AXIN1: variants seen among roughly 807,000 people sequenced by gnomAD.
AXIN1 encodes the protein axin 1.
AXIN1 carries 30 observed loss-of-function variants against 76.4 expected under a neutral mutation model. That is an observed-to-expected ratio of 0.39 (90% CI 0.29 to 0.53). The LOEUF is 0.53. Among genes scored for constraint, AXIN1 ranks in the 20% least tolerant of loss-of-function variants. The pLI is 0.66. For synonymous variants in AXIN1, 545 were observed against 501.4 expected, an observed-to-expected ratio of 1.09 and a Z score of -1.16; for missense variants, 1,140 against 1,198.8, an observed-to-expected ratio of 0.95 and a Z score of 0.72.
At chr16:322,875 G>A (rs1186959123) in intron 2 of AXIN1, among the ~76,000 whole-genome samples, 1 of 152,268 alleles carries the variant, frequency 6.6e-6, no homozygotes, top group Non-Finnish European at 1.5e-5. Context: ...GGGAAGAGGT[G>A]AGCCATGGCC....
intron 2 of AXIN1, among the ~76,000 whole-genome samples, chr16:344,591 C>T (rs1041527977): frequency 6.6e-6 from 1 of 151,710 alleles, no homozygotes; most frequent in East Asian, 2.0e-4. Flanking sequence ...CAGGTTCAAG[C>T]GATTCTCCTG....
At chr16:301,547 T>C (rs1567269400) in intron 5 of AXIN1, among the ~76,000 whole-genome samples, 2 of 152,168 alleles carry the variant, frequency 1.3e-5, no homozygotes, top group Non-Finnish European at 2.9e-5. Context: ...TCCCAGCACT[T>C]CGGGAAGCTG....
At position 288,128 on chromosome 16, in the gene AXIN1, C is replaced by T. The variant is rs762766340; in HGVS notation, c.2583G>A (p.Val861=). The change falls in exon 11 of 11, where the codon GTG becomes GTA. Residue 861 remains valine, a synonymous_variant. Coordinates refer to ENST00000262320, the MANE Select transcript of AXIN1 (RefSeq NM_003502.4). ...CGGCCAGCCCACCAGCCTATCAGTC[C>T]ACCTTCTCCACTTTGCCGATGATCT... ...EEKIIGKVEK[V]D 23 of 1,613,278 alleles carry T rather than the reference C, an allele frequency of 1.4e-5. No individual in the cohort carries two copies. Among genetic ancestry groups the T allele is most frequent in the Non-Finnish European group, 1.8e-5 (21 of 1,180,018 alleles).
At chr16:320,886 C>T (rs2053437002) in intron 2 of AXIN1, among the ~76,000 whole-genome samples, 1 of 151,392 alleles carries the variant, frequency 6.6e-6, no homozygotes, top group Non-Finnish European at 1.5e-5. Flanking sequence ...ACTCCAGGCA[C>T]ACGTCACCAC....
intron 5 of AXIN1, among the ~76,000 whole-genome samples, chr16:300,649 T>C (rs1382492349): frequency 6.6e-6 from 1 of 151,940 alleles, no homozygotes; most frequent in Non-Finnish European, 1.5e-5. Context: ...GAGGGTGAAA[T>C]ATGGCACTAA....
chr16:343,985 G>A (rs1277274345), intron 2 of AXIN1, among the ~76,000 whole-genome samples: 2 of 149,840 alleles, frequency 1.3e-5, no homozygotes, highest in African/African-American at 4.9e-5. Flanking sequence ...TCCAGCCTGT[G>A]TGACAGAGCG....
intron 2 of AXIN1, among the ~76,000 whole-genome samples, chr16:338,373 C>A (rs955223631): frequency 6.6e-6 from 1 of 152,232 alleles, no homozygotes; most frequent in Admixed American, 6.5e-5. Context: ...AGCACCAGGG[C>A]CAGGCACACA....
chr16:291,592 T>TA, intron 8 of AXIN1: 1 of 496,332 alleles, frequency 2.0e-6, no homozygotes, highest in Admixed American at 3.3e-5. Flanking sequence ...TCCCACCACC[T>TA]CATCCCCTCT....
chr16:298,967 C>T (rs536438613), intron 5 of AXIN1: 1 of 543,214 alleles, frequency 1.8e-6, no homozygotes, highest in Non-Finnish European at 2.3e-6. Context: ...CAGGATTTCA[C>T]TATGTTGGCC....
At chr16:310,302 G>A (rs1056553552) in intron 3 of AXIN1, among the ~76,000 whole-genome samples, 4 of 152,220 alleles carry the variant, frequency 2.6e-5, no homozygotes, top group African/African-American at 7.2e-5. Flanking sequence ...CCAGCCACGC[G>A]TCTTCCTAGC....
intron 2 of AXIN1, among the ~76,000 whole-genome samples, chr16:345,536 GA>G: frequency 6.6e-6 from 1 of 152,342 alleles, no homozygotes; most frequent in African/African-American, 2.4e-5. Flanking sequence ...CCAACATGGA[GA>G]AACCCCACCT....
intron 5 of AXIN1, 46 bp from the exon 6 acceptor site, chr16:298,297 C>T (rs982913334): frequency 1.3e-6 from 2 of 1,536,130 alleles, no homozygotes; most frequent in Non-Finnish European, 8.7e-7. Flanking sequence ...ACCAGCTGCA[C>T]ACTTGGGGAA....
chr16:311,732 C>T (rs1432535071), intron 3 of AXIN1, among the ~76,000 whole-genome samples: 2 of 152,116 alleles, frequency 1.3e-5, no homozygotes, highest in African/African-American at 2.4e-5. Flanking sequence ...GATTGTGCCA[C>T]TGCACTCCAG....
intron 2 of AXIN1, among the ~76,000 whole-genome samples, chr16:336,748 C>T (rs888637781): frequency 2.8e-5 from 4 of 143,794 alleles, no homozygotes; most frequent in South Asian, 2.2e-4. Context: ...ACCCAGGAGG[C>T]GGAGGTTGCA....
intron 2 of AXIN1, among the ~76,000 whole-genome samples, chr16:317,663 C>T (rs1018285743): frequency 3.3e-5 from 5 of 152,238 alleles, no homozygotes; most frequent in Non-Finnish European, 7.3e-5. Flanking sequence ...TCCTCGTCTC[C>T]TCTCTGTACC....
At chr16:352,047 G>A (rs2054156630) in intron 1 of AXIN1, among the ~76,000 whole-genome samples, 1 of 152,092 alleles carries the variant, frequency 6.6e-6, no homozygotes, top group South Asian at 2.1e-4. Context: ...AGGGCGGGCG[G>A]GAGTGTCCTC....
chr16:289,200 C>T (rs1016374674), intron 10 of AXIN1, among the ~76,000 whole-genome samples: 1 of 152,076 alleles, frequency 6.6e-6, no homozygotes, highest in Non-Finnish European at 1.5e-5. Flanking sequence ...GCAATTCTGC[C>T]TCAGCCTCCC....
At position 311,574 on chromosome 16, in the gene AXIN1, A is replaced by C. The variant is rs540394215; in HGVS notation, c.1020-1505T>G. Among the ~76,000 whole-genome samples the C allele has an allele frequency of 7.8e-4, 118 of 151,666 alleles. 1 individual carries two copies. The highest frequency in any genetic ancestry group is 1.4e-3 in the Non-Finnish European group (96 of 67,880). On this transcript the variant is annotated intron_variant, in intron 3 of 10. Coordinates refer to ENST00000262320, the MANE Select transcript of AXIN1 (RefSeq NM_003502.4). ...ATCACGAGGTCAGGAGATCGAGACC[A>C]TCCTGGCTAACACGGTGAAACCCCG...
In AXIN1 at chr16:332,564, A is replaced by C. The variant is rs1029589672; in HGVS notation, c.878+13584T>G. Reference sequence around the variant, plus strand: ...GCACTCCAGGCTGGGCGAAAGAGCGAGACTCCTTCTCAAAAAAAAAAAGAA... The same window carrying C: ...GCACTCCAGGCTGGGCGAAAGAGCGCGACTCCTTCTCAAAAAAAAAAAGAA... On this transcript the variant is annotated intron_variant, in intron 2 of 10. Coordinates refer to ENST00000262320, the MANE Select transcript of AXIN1 (RefSeq NM_003502.4). Among the ~76,000 whole-genome samples the C allele has an allele frequency of 1.3e-5, 2 of 151,044 alleles. 1 individual carries two copies. The highest frequency in any genetic ancestry group is 4.2e-4 in the South Asian group (2 of 4,780).
Sources: allele counts gnomAD v4.1 joint callset (sites outside exome capture counted in the v4.1 genomes callset), GRCh38; gene constraint gnomAD v4.1.1; transcripts MANE v1.5; gene names NCBI Gene and HGNC (gene_info 2026-07-23, HGNC 2026-07-21).